Variants in SLCO1B3 observed in about 807,000 individuals in gnomAD.
SLCO1B3 encodes the protein solute carrier organic anion transporter family member 1B3.
A neutral mutation model predicts 71.8 loss-of-function variants in SLCO1B3; 72 were observed. That is an observed-to-expected ratio of 1.00 (90% CI 0.83 to 1.22). The LOEUF (loss-of-function observed/expected upper bound fraction) is 1.22. Among genes scored for constraint, SLCO1B3 ranks in the 50% most tolerant of loss-of-function variants. The probability of loss-of-function intolerance (pLI) is 0.00; values close to 1 mark genes in which losing one functional copy is unlikely to be tolerated. For missense variants in SLCO1B3, 911 were observed against 819.7 expected, an observed-to-expected ratio of 1.11 and a Z score of -1.36; for synonymous variants, 298 against 278.4, an observed-to-expected ratio of 1.07 and a Z score of -0.70.
chr12:20,816,062 T>C (rs1432167217), intron 3 of SLCO1B3, among the ~76,000 whole-genome samples: 1 of 152,220 alleles, frequency 6.6e-6, no homozygotes, highest in African/African-American at 2.4e-5. Flanking sequence ...TTTAACTTTT[T>C]AATTTTTAAT....
At chr12:20,899,842 TTATGTCCAATA>T (rs1339986587) in intron 14 of SLCO1B3, among the ~76,000 whole-genome samples, 2 of 152,214 alleles carry the variant, frequency 1.3e-5, no homozygotes, top group Non-Finnish European at 2.9e-5. Flanking sequence ...TCCAATTTTG[TTATGTCCAATA>T]TATGGCACAA....
intron 15 of SLCO1B3, among the ~76,000 whole-genome samples, chr12:20,902,509 A>G (rs1372582248): frequency 6.6e-6 from 1 of 152,180 alleles, no homozygotes; most frequent in Admixed American, 6.5e-5. Flanking sequence ...CATTAAGTAC[A>G]TATGGACACA....
intron 10 of SLCO1B3, among the ~76,000 whole-genome samples, chr12:20,879,099 T>C (rs746961607): frequency 2.0e-5 from 3 of 152,124 alleles, no homozygotes; most frequent in Non-Finnish European, 2.9e-5. Context: ...ACTGCCTTTT[T>C]CTTGTGAGGA....
Position 20,877,943 on chromosome 12 carries a change from CAT to C in SLCO1B3, c.1135+10_1135+11del. 1.3e-6 allele frequency: 2 copies of C among 1,574,894 alleles called. No individual in the cohort carries two copies. Among genetic ancestry groups the C allele is most frequent in the Middle Eastern group, 3.3e-4 (2 of 5,982 alleles). On this transcript the variant is annotated splice_region_variant and intron_variant, in intron 10 of 15. Transcript: ENST00000381545. ...CATGCTAACTTTTTGTTGGGTAAGA[CAT>C]ATTTTTTACCTGTTTGCTTGATAAA...
intron 10 of SLCO1B3, among the ~76,000 whole-genome samples, chr12:20,878,816 A>T (rs144005465): frequency 0.031 from 4,690 of 152,250 alleles, 155 homozygotes; most frequent in Admixed American, 0.11. Flanking sequence ...AGTCATTTTT[A>T]ATCCTGTATG....
chr12:20,812,096 G>A (rs894237856), intron 1 of SLCO1B3, among the ~76,000 whole-genome samples: 1 of 151,874 alleles, frequency 6.6e-6, no homozygotes, highest in Non-Finnish European at 1.5e-5. Flanking sequence ...TGGCAGAAAT[G>A]GGGTTTCTCT....
chr12:20,852,808 T>A (rs1565589634), intron 3 of SLCO1B3, among the ~76,000 whole-genome samples: 1 of 152,308 alleles, frequency 6.6e-6, no homozygotes, highest in Non-Finnish European at 1.5e-5. Context: ...TAAATGTGTT[T>A]ATTTTTTCTA....
At chr12:20,861,239 A>G in intron 6 of SLCO1B3, 101 bp downstream of exon 6, 1 of 1,067,630 alleles carries the variant, frequency 9.4e-7, no homozygotes, top group South Asian at 1.7e-5. Context: ...TTAAGAACAA[A>G]TAGGAAGAAC....
At chr12:20,864,521 G>T (rs1216447580) in intron 8 of SLCO1B3, among the ~76,000 whole-genome samples, 1 of 152,132 alleles carries the variant, frequency 6.6e-6, no homozygotes, top group African/African-American at 2.4e-5. Context: ...GCAAGTACCT[G>T]ATGATATGTT....
intron 13 of SLCO1B3, among the ~76,000 whole-genome samples, chr12:20,891,307 G>T (rs1181900299): frequency 2.7e-5 from 4 of 147,430 alleles, no homozygotes; most frequent in African/African-American, 1.0e-4. Flanking sequence ...AAAATTCTTG[G>T]CTGGCATTTT....
chr12:20,868,976 A>C (rs1160830803), intron 8 of SLCO1B3, among the ~76,000 whole-genome samples: 2 of 152,128 alleles, frequency 1.3e-5, no homozygotes, highest in Non-Finnish European at 2.9e-5. Flanking sequence ...GCTATCTAGA[A>C]GGCAGAGCCA....
At chr12:20,869,572 G>A (rs562480638) in intron 8 of SLCO1B3, among the ~76,000 whole-genome samples, 10 of 152,182 alleles carry the variant, frequency 6.6e-5, no homozygotes, top group South Asian at 2.1e-4. Context: ...GTGGCTTGCC[G>A]CTCACACTCA....
chr12:20,814,973 TTTC>T (rs1224816278), intron 2 of SLCO1B3, among the ~76,000 whole-genome samples: 1 of 49,562 alleles, frequency 2.0e-5, no homozygotes, highest in Non-Finnish European at 7.3e-5. Context: ...TGCCTTTTCT[TTTC>T]TTTTCTTTTT....
chr12:20,916,471 A>T lies in SLCO1B3; in HGVS notation c.*224A>T, dbSNP rs1298221119. The T allele has an allele frequency of 2.8e-6, 1 of 357,938 alleles. No individual in the cohort carries two copies. Among genetic ancestry groups the T allele is most frequent in the Non-Finnish European group, 5.1e-6 (1 of 196,828 alleles). 22.2% of individuals were successfully genotyped at this position (357,938 alleles called of 1,614,324 possible). Reference sequence around the variant, plus strand: ...AAGTGAGAGGCATGGTTAGTGTGTGATACAATAAAAAGTAATTGTTTGGTA... The same window carrying T: ...AAGTGAGAGGCATGGTTAGTGTGTGTTACAATAAAAAGTAATTGTTTGGTA... On this transcript the variant is annotated 3_prime_UTR_variant, in exon 16 of 16. Coordinates refer to ENST00000381545, the MANE Select transcript of SLCO1B3 (RefSeq NM_019844.4).
chr12:20,867,567 A>T (rs1865397530), intron 8 of SLCO1B3, among the ~76,000 whole-genome samples: 1 of 152,194 alleles, frequency 6.6e-6, no homozygotes, highest in African/African-American at 2.4e-5. Context: ...ATGTCAGATG[A>T]TGAGGAAGAA....
At chr12:20,829,741 C>T (rs536828997) in intron 3 of SLCO1B3, among the ~76,000 whole-genome samples, 8 of 152,228 alleles carry the variant, frequency 5.3e-5, no homozygotes, top group Non-Finnish European at 7.4e-5. Flanking sequence ...AGAGCAGCCC[C>T]GAGGGCTGCT....
intron 3 of SLCO1B3, among the ~76,000 whole-genome samples, chr12:20,835,806 A>G (rs995811496): frequency 2.0e-5 from 3 of 151,984 alleles, no homozygotes; most frequent in Non-Finnish European, 2.9e-5. Flanking sequence ...AACTGTTCCA[A>G]CTTCTGCCCA....
intron 1 of SLCO1B3, among the ~76,000 whole-genome samples, chr12:20,813,146 A>G (rs971896433): frequency 6.6e-6 from 1 of 152,190 alleles, no homozygotes; most frequent in Non-Finnish European, 1.5e-5. Flanking sequence ...ATAAGTGATA[A>G]TATCTTCAGA....
intron 3 of SLCO1B3, among the ~76,000 whole-genome samples, chr12:20,851,249 T>C (rs1486149076): frequency 6.6e-6 from 1 of 152,124 alleles, no homozygotes; most frequent in Non-Finnish European, 1.5e-5. Context: ...AACTCCAAAC[T>C]AGTTTTCATG....
Sources: gnomAD v4.1 joint callset for allele counts (sites outside exome capture counted in the v4.1 genomes callset) on GRCh38, gnomAD v4.1.1 for gene constraint, MANE v1.5 for transcripts, NCBI Gene and HGNC (gene_info 2026-07-23, HGNC 2026-07-21) for gene names.